MYOM3: variants seen among roughly 807,000 people sequenced by gnomAD.
MYOM3 encodes myomesin 3.
A neutral mutation model predicts 191.7 loss-of-function variants in MYOM3; 155 were observed. The observed-to-expected ratio is 0.81, with a 90% CI of 0.71 to 0.92. The LOEUF is 0.92. Ranked by LOEUF, MYOM3 falls within the 40% of genes least tolerant of loss-of-function variation. The pLI, the probability that MYOM3 is intolerant of heterozygous loss-of-function variation, is 0.00. For synonymous variants in MYOM3, 757 were observed against 762.9 expected, an observed-to-expected ratio of 0.99 and a Z score of 0.13; for missense variants, 1,889 against 1,890.6, an observed-to-expected ratio of 1.00 and a Z score of 0.02.
chr1:24,104,236 AT>A (rs1643963217), intron 5 of MYOM3, among the ~76,000 whole-genome samples: 1 of 152,054 alleles, frequency 6.6e-6, no homozygotes, highest in Non-Finnish European at 1.5e-5. Flanking sequence ...TGTGTTTTCC[AT>A]TATTTGTGCC....
chr1:24,100,240 T>G (rs1324994949), intron 5 of MYOM3, among the ~76,000 whole-genome samples: 1 of 152,198 alleles, frequency 6.6e-6, no homozygotes, highest in African/African-American at 2.4e-5. Flanking sequence ...TGAGCCTCAG[T>G]TGTCCTGACT....
intron 11 of MYOM3, 122 bp from the exon 12 acceptor site, chr1:24,091,118 G>T: frequency 8.6e-7 from 1 of 1,157,624 alleles, no homozygotes; most frequent in Non-Finnish European, 1.2e-6. Context: ...GCCAATTAAA[G>T]TTCTTCTCTC....
intron 1 of MYOM3, 99 bp from the exon 2 acceptor site, chr1:24,108,753 T>A (rs1570891763): frequency 2.3e-6 from 2 of 868,804 alleles, no homozygotes; most frequent in Non-Finnish European, 3.4e-6. Flanking sequence ...GGATGGGGGG[T>A]GGGGGTGTCC....
intron 27 of MYOM3, among the ~76,000 whole-genome samples, chr1:24,067,754 G>A (rs1355109949): frequency 1.3e-5 from 2 of 152,114 alleles, no homozygotes; most frequent in African/African-American, 4.8e-5. Flanking sequence ...GGGGCACTGT[G>A]CCTGGCTTCA....
At chr1:24,090,182 C>T (rs1439616346) in intron 12 of MYOM3, 64 bp from the exon 13 acceptor site, 7 of 1,343,114 alleles carry the variant, frequency 5.2e-6, no homozygotes, top group African/African-American at 2.9e-5. Flanking sequence ...CCAGGAGCTA[C>T]CCCACACCAG....
At chr1:24,073,722 G>T (rs1401324023) in intron 23 of MYOM3, among the ~76,000 whole-genome samples, 2 of 152,154 alleles carry the variant, frequency 1.3e-5, no homozygotes, top group Admixed American at 6.5e-5. Context: ...AAATTAGCCA[G>T]CATGGTGGCA....
intron 13 of MYOM3, 143 bp downstream of exon 13, chr1:24,089,922 C>T (rs1643794511): frequency 7.0e-6 from 6 of 861,530 alleles, no homozygotes; most frequent in Non-Finnish European, 1.1e-5. Context: ...GTGACCCCAG[C>T]ACTCTGACTG....
At chr1:24,085,109 AATGGATGG>A (rs56001006) in intron 15 of MYOM3, among the ~76,000 whole-genome samples, 2 of 147,916 alleles carry the variant, frequency 1.4e-5, no homozygotes, top group African/African-American at 2.5e-5. Flanking sequence ...TGGTTGGATG[AATGGATGG>A]ATGGATGGAT....
intron 20 of MYOM3, among the ~76,000 whole-genome samples, chr1:24,076,507 CTT>C (rs558326490): frequency 8.1e-5 from 4 of 49,108 alleles, no homozygotes; most frequent in African/African-American, 2.8e-4. Flanking sequence ...CCTAATGTTT[CTT>C]TTTTTTTTTT....
At position 24,095,495 on chromosome 1, in the gene MYOM3, C is replaced by A. The variant is rs757163001; in HGVS notation, c.746-9G>T. The A allele has an allele frequency of 6.2e-7, 1 of 1,612,544 alleles. No individual in the cohort carries two copies. Among genetic ancestry groups the A allele is most frequent in the Non-Finnish European group, 8.5e-7 (1 of 1,179,064 alleles). ...ATCCTTCCCCAGGTAAGCTGAAAAACCAAAGGCAAACAGAGTTGGAGAAGG... is the reference window on the plus strand; with the variant it reads ...ATCCTTCCCCAGGTAAGCTGAAAAAACAAAGGCAAACAGAGTTGGAGAAGG... On this transcript the variant is annotated splice_polypyrimidine_tract_variant and intron_variant, in intron 7 of 36. Coordinates refer to ENST00000374434, the MANE Select transcript of MYOM3 (RefSeq NM_152372.4).
Position 24,058,966 on chromosome 1 carries a change from CA to C in MYOM3, c.4007del (p.Val1336GlyfsTer2). On this transcript the variant is annotated frameshift_variant, in exon 36 of 37. Coordinates refer to ENST00000374434, the MANE Select transcript of MYOM3 (RefSeq NM_152372.4). LOFTEE classifies it high-confidence loss of function. ...LAIIEKNRAK[V>X]VRGLPDVATI... ...TGGCCACATCCGGCAGACCTCTCAC[CA>C]CTTTGGCACGATCTGGAAGGGAAAT... 6.2e-7 allele frequency: 1 copy of C among 1,612,086 alleles called. No individual in the cohort carries two copies. Among genetic ancestry groups the C allele is most frequent in the South Asian group, 1.1e-5 (1 of 90,224 alleles).
In MYOM3 at chr1:24,071,097, G is replaced by A. The variant is rs765515075; in HGVS notation, c.3150+20C>T. 3.7e-6 allele frequency: 6 copies of A among 1,612,326 alleles called. No individual in the cohort carries two copies. Among genetic ancestry groups the A allele is most frequent in the South Asian group, 2.2e-5 (2 of 90,956 alleles). ...CCCGGCAGGGGAGCCTCACTTCAGGGATTGTGAGCACCCAATTACCGGCGA... is the reference window on the plus strand; with the variant it reads ...CCCGGCAGGGGAGCCTCACTTCAGGAATTGTGAGCACCCAATTACCGGCGA... On this transcript the variant is annotated intron_variant, in intron 25 of 36. Coordinates refer to ENST00000374434, the MANE Select transcript of MYOM3 (RefSeq NM_152372.4).
At position 24,075,345 on chromosome 1, in the gene MYOM3, C is replaced by T. The variant is rs758362283; in HGVS notation, c.2832G>A (p.Arg944=). Residue 944 remains arginine (R), a synonymous_variant, in exon 22 of 37, where the codon AGG becomes AGA. Coordinates refer to ENST00000374434, the MANE Select transcript of MYOM3 (RefSeq NM_152372.4). Reference sequence around the variant, plus strand: ...TGTTAACTTTATCCTCGATCTTGACCCTCTGGGGGTCCAGTGGGCCCTTGT... The same window carrying T: ...TGTTAACTTTATCCTCGATCTTGACTCTCTGGGGGTCCAGTGGGCCCTTGT... ...KDYKGPLDPQ[R]VKIEDKVNKS... The T allele has an allele frequency of 2.5e-6, 4 of 1,612,770 alleles. No individual in the cohort carries two copies. In the Admixed American group the frequency reaches 6.7e-5, roughly 27 times the overall value.
intron 36 of MYOM3, 133 bp downstream of exon 36, chr1:24,058,791 C>T: frequency 1.5e-6 from 1 of 687,614 alleles, no homozygotes; most frequent in Non-Finnish European, 2.6e-6. Context: ...TACCACATGT[C>T]ATCAATGAGG....
chr1:24,097,774 G>A (rs1643886331), intron 7 of MYOM3, 149 bp downstream of exon 7: 1 of 682,496 alleles, frequency 1.5e-6, no homozygotes, highest in Admixed American at 2.3e-5. Flanking sequence ...GGAAGCGGGA[G>A]TCTCCAGGGC....
chr1:24,106,068 T>G lies in MYOM3; in HGVS notation c.412A>C (p.Lys138Gln), dbSNP rs374261951. The stretch of plus-strand genomic sequence containing the variant: ...CTCAGCTCCTTGGCCTCCTGGACCT[T>G]CTCCTCTGTCTGGAGGCGGGAAGAG... The part of the protein sequence containing the change: ...WKTLRRRTEE[K>Q]VQEAKELREL... Residue 138 changes from lysine (K) to glutamine (Q), a missense_variant, in exon 5 of 37, where the codon AAG (lysine) becomes CAG (glutamine). By Grantham distance (53) the Lys-to-Gln change is moderately conservative. Coordinates refer to ENST00000374434, the MANE Select transcript of MYOM3 (RefSeq NM_152372.4). 1 of 1,610,944 alleles carries G rather than the reference T, an allele frequency of 6.2e-7. No individual in the cohort carries two copies. Among genetic ancestry groups the G allele is most frequent in the Non-Finnish European group, 8.5e-7 (1 of 1,179,060 alleles).
chr1:24,068,465 A>G, intron 25 of MYOM3, 98 bp from the exon 26 acceptor site: 1 of 1,446,778 alleles, frequency 6.9e-7, no homozygotes, highest in Non-Finnish European at 9.5e-7. Context: ...GTAAGCACAG[A>G]GCTGTCAGCC....
In MYOM3 at chr1:24,057,152, C is replaced by T. The variant is rs1643311807; in HGVS notation, c.*212G>A. 1 of 584,882 alleles carries T rather than the reference C, an allele frequency of 1.7e-6. No individual in the cohort carries two copies. The highest frequency in any genetic ancestry group is 3.0e-6 in the Non-Finnish European group (1 of 331,102). The allele number at this position is 584,882 out of a possible 1,614,324, so 36.2% of individuals were successfully genotyped here. On this transcript the variant is annotated 3_prime_UTR_variant, in exon 37 of 37. Coordinates refer to ENST00000374434, the MANE Select transcript of MYOM3 (RefSeq NM_152372.4). Reference sequence around the variant, plus strand: ...TCCTACTCCAGGTCCAGGGTTCATCCCGCTCTCCTGGAAGCCACTCAGGAC... The same window carrying T: ...TCCTACTCCAGGTCCAGGGTTCATCTCGCTCTCCTGGAAGCCACTCAGGAC...
rs574125265 is a variant in MYOM3 at position 24,090,209 on chromosome 1, C to T, written c.1433-91G>A. ...CCACACCAGGGTCTGCGTCCTGCCC[C>T]GTCCCAGTCCTGGCCTTGCAGCCCT... On this transcript the variant is annotated intron_variant, in intron 12 of 36. Coordinates refer to ENST00000374434, the MANE Select transcript of MYOM3 (RefSeq NM_152372.4). The T allele has an allele frequency of 4.7e-4, 492 of 1,052,318 alleles. 1 individual carries two copies. Among genetic ancestry groups the T allele is most frequent in the South Asian group, 9.0e-4 (70 of 77,906 alleles). The allele number at this position is 1,052,318 out of a possible 1,614,324, so 65.2% of individuals were successfully genotyped here. A position where few individuals can be genotyped will look rare whatever the true frequency, so the allele number is the denominator to read the frequency against.
Sources: allele counts gnomAD v4.1 joint callset (sites outside exome capture counted in the v4.1 genomes callset), GRCh38; gene constraint gnomAD v4.1.1; transcripts MANE v1.5; gene names NCBI Gene and HGNC (gene_info 2026-07-23, HGNC 2026-07-21).